Variants in STARD13 observed in about 807,000 individuals in gnomAD.
STARD13 encodes the protein stAR-related lipid transfer protein 13.
STARD13 carries 62 observed loss-of-function variants against 106.4 expected under a neutral mutation model. The observed-to-expected ratio is 0.58, with a 90% CI of 0.48 to 0.72. STARD13 has a LOEUF of 0.72. Among genes scored for constraint, STARD13 ranks in the 30% least tolerant of loss-of-function variants. The pLI is 0.00. For synonymous variants in STARD13, 565 were observed against 553.0 expected (o/e 1.02, Z -0.31); for missense variants, 1,387 against 1,424.0 (o/e 0.97, Z 0.42).
the STARD13 span, among the ~76,000 whole-genome samples, chr13:33,476,236 T>C: frequency 6.6e-6 from 1 of 152,164 alleles, no homozygotes; most frequent in Non-Finnish European, 1.5e-5. Flanking sequence ...GATTGAATAA[T>C]AATAAAAAAT....
At chr13:33,289,769 T>A (rs1180569293), upstream of STARD13, among the ~76,000 whole-genome samples, 1 of 152,058 alleles carries the variant, frequency 6.6e-6, no homozygotes, top group African/African-American at 2.4e-5. Context: ...GAAGTACAGA[T>A]CCCAGAGCCC....
the STARD13 span, among the ~76,000 whole-genome samples, chr13:33,442,605 CTAAT>C: frequency 2.0e-5 from 3 of 152,012 alleles, no homozygotes; most frequent in African/African-American, 4.8e-5. Flanking sequence ...AAAGGAGAAA[CTAAT>C]TATCTGAAAT....
At chr13:33,644,594 C>A in the STARD13 span, among the ~76,000 whole-genome samples, 9 of 152,040 alleles carry the variant, frequency 5.9e-5, no homozygotes, top group Admixed American at 2.6e-4. Context: ...GTTGAAGAGG[C>A]GTCATGCGGC....
At chr13:33,587,532 T>G in the STARD13 span, among the ~76,000 whole-genome samples, 703 of 152,296 alleles carry the variant, frequency 4.6e-3, 10 homozygotes, top group African/African-American at 0.016. Flanking sequence ...CCCGTAATCA[T>G]TCCTTCAGCA....
intron 1 of STARD13, 63 bp downstream of exon 1, chr13:33,285,407 T>C: frequency 6.6e-7 from 1 of 1,519,734 alleles, no homozygotes; most frequent in Non-Finnish European, 8.9e-7. Flanking sequence ...AAAACTGGGT[T>C]AGCATGAAAT....
the STARD13 span, among the ~76,000 whole-genome samples, chr13:33,364,545 T>G: frequency 6.6e-6 from 1 of 152,190 alleles, no homozygotes; most frequent in Non-Finnish European, 1.5e-5. Context: ...AAATACGACT[T>G]CCTCGTGGGC....
At chr13:33,452,344 G>T in the STARD13 span, among the ~76,000 whole-genome samples, 1 of 152,040 alleles carries the variant, frequency 6.6e-6, no homozygotes, top group African/African-American at 2.4e-5. Flanking sequence ...GGGCAGTTGT[G>T]GGGGTGGGTG....
intron 1 of STARD13, among the ~76,000 whole-genome samples, chr13:33,227,980 C>T (rs17078805): frequency 0.018 from 2,765 of 152,198 alleles, 87 homozygotes; most frequent in African/African-American, 0.064. Flanking sequence ...AATGTGCGAT[C>T]GTAAAACGAA....
chr13:33,466,939 G>A, the STARD13 span, among the ~76,000 whole-genome samples: 34 of 152,104 alleles, frequency 2.2e-4, no homozygotes, highest in South Asian at 5.6e-3. Context: ...CATTCTTCCT[G>A]ACCAGTGGTC....
chr13:33,105,317 C>T lies in STARD13; in HGVS notation c.*276G>A. ...AGAAGCCTTTAAATAGCAAATTAGG[C>T]AATGCACAAGGAATAGTCCATTTAA... On this transcript the variant is annotated 3_prime_UTR_variant, in exon 14 of 14. Transcript: ENST00000336934. 2.7e-6 allele frequency: 1 copy of T among 367,452 alleles called. No individual in the cohort carries two copies. The highest frequency in any genetic ancestry group is 5.0e-6 in the Non-Finnish European group (1 of 201,100). 22.8% of individuals were successfully genotyped at this position (367,452 alleles called of 1,614,324 possible). A position where few individuals can be genotyped will look rare whatever the true frequency, so the allele number is the denominator to read the frequency against.
At chr13:33,272,140 A>T (rs999532432) in intron 1 of STARD13, among the ~76,000 whole-genome samples, 2 of 152,256 alleles carry the variant, frequency 1.3e-5, no homozygotes, top group African/African-American at 2.4e-5. Context: ...GGTACATCAC[A>T]GTGGGTCCTC....
chr13:33,488,505 A>G, the STARD13 span, among the ~76,000 whole-genome samples: 1 of 152,168 alleles, frequency 6.6e-6, no homozygotes, highest in East Asian at 1.9e-4. Flanking sequence ...CTCCTCAAAA[A>G]TCTTCAATGG....
chr13:33,380,414 C>CA, the STARD13 span, among the ~76,000 whole-genome samples: 2,585 of 84,496 alleles, frequency 0.031, 114 homozygotes, highest in African/African-American at 0.1. Flanking sequence ...GATTCTGTCT[C>CA]AAAAAAAAAA....
chr13:33,652,727 ACTT>A, the STARD13 span, among the ~76,000 whole-genome samples: 2 of 152,124 alleles, frequency 1.3e-5, no homozygotes, highest in East Asian at 3.8e-4. Flanking sequence ...AAGTTCCCTA[ACTT>A]CTTTGAGCTT....
At chr13:33,449,481 T>A in the STARD13 span, among the ~76,000 whole-genome samples, 3 of 152,194 alleles carry the variant, frequency 2.0e-5, no homozygotes, top group African/African-American at 7.2e-5. Flanking sequence ...TTCATGGCAG[T>A]ACCATGTTGT....
At chr13:33,214,237 A>AT (rs1429748341) in intron 1 of STARD13, among the ~76,000 whole-genome samples, 2 of 152,190 alleles carry the variant, frequency 1.3e-5, no homozygotes, top group African/African-American at 4.8e-5. Flanking sequence ...CACATTCTTC[A>AT]TTTTTTGGTT....
intron 1 of STARD13, chr13:33,336,139 CATTATATTCAA>C (rs1042990559): frequency 3.6e-4 from 55 of 152,310 alleles, no homozygotes; most frequent in African/African-American, 1.3e-3. Flanking sequence ...ACAAGTAAAT[CATTATATTCAA>C]GTATGGATAC....
rs185195227 is a variant in STARD13, at chr13:33,224,331, C to G, written c.170-56709G>C. Among the ~76,000 whole-genome samples, 4 of 152,284 alleles carry G rather than the reference C, an allele frequency of 2.6e-5. No homozygotes were observed. In the East Asian group the frequency reaches 7.7e-4, roughly 29 times the overall value. ...TTAGATTTGGGGAATAGTACTGTAT[C>G]TTTACAATAAAGTCTGTATTAGTCA... On this transcript the variant is annotated intron_variant, in intron 1 of 13. Transcript: ENST00000336934.
At chr13:33,342,235 C>A (rs1309815460) in intron 1 of STARD13, among the ~76,000 whole-genome samples, 1 of 152,154 alleles carries the variant, frequency 6.6e-6, no homozygotes, top group Non-Finnish European at 1.5e-5. Context: ...TATGCACAGC[C>A]TTTCCTAAGA....
Sources: allele counts gnomAD v4.1 joint callset (sites outside exome capture counted in the v4.1 genomes callset), GRCh38; gene constraint gnomAD v4.1.1; transcripts MANE v1.5; gene names NCBI Gene and HGNC (gene_info 2026-07-23, HGNC 2026-07-21).